IGF2R: variants seen among roughly 807,000 people sequenced by gnomAD.
The protein encoded by IGF2R is insulin like growth factor 2 receptor.
IGF2R carries 91 observed loss-of-function variants against 270.6 expected under a neutral mutation model. The observed-to-expected ratio is 0.34, with a 90% CI of 0.28 to 0.40. IGF2R has a LOEUF of 0.40. IGF2R is among the 10% of genes least tolerant of loss of function. The pLI is 1.00. For synonymous variants in IGF2R, 1,316 were observed against 1,258.9 expected (o/e 1.05, Z -0.96); for missense variants, 2,805 against 3,188.3 (o/e 0.88, Z 2.90).
At chr6:160,032,430 C>G in intron 7 of IGF2R, 121 bp from the exon 8 acceptor site, 1 of 850,018 alleles carries the variant, frequency 1.2e-6, no homozygotes. Context: ...ATTCAAAAAA[C>G]AGAAACAGCA....
intron 44 of IGF2R, among the ~76,000 whole-genome samples, chr6:160,092,049 C>T (rs187332219): frequency 1.6e-3 from 237 of 152,258 alleles, no homozygotes; most frequent in African/African-American, 5.0e-3. Context: ...AGTGCCCCTC[C>T]TGGGAAGGCC....
chr6:160,017,400 T>C (rs1446597425), intron 4 of IGF2R, among the ~76,000 whole-genome samples: 1 of 152,212 alleles, frequency 6.6e-6, no homozygotes, highest in African/African-American at 2.4e-5. Flanking sequence ...GCATAGATAT[T>C]ACTAAGGGAG....
At chr6:160,029,093 C>T (rs1447468980) in intron 6 of IGF2R, among the ~76,000 whole-genome samples, 3 of 152,088 alleles carry the variant, frequency 2.0e-5, no homozygotes, top group African/African-American at 4.8e-5. Context: ...AGTGATTCTC[C>T]TGCCTCAGCC....
intron 1 of IGF2R, among the ~76,000 whole-genome samples, chr6:159,988,665 A>T (rs1187052399): frequency 6.6e-6 from 1 of 152,124 alleles, no homozygotes. Flanking sequence ...TAATGATGCC[A>T]CTGCCGCTAC....
At chr6:160,043,382 C>G in intron 12 of IGF2R, 94 bp downstream of exon 12, 1 of 1,346,192 alleles carries the variant, frequency 7.4e-7, no homozygotes. Flanking sequence ...TCATCTAAGC[C>G]TCCTCTTTCT....
At chr6:160,073,592 C>T in intron 34 of IGF2R, 123 bp downstream of exon 34, 1 of 1,232,132 alleles carries the variant, frequency 8.1e-7, no homozygotes, top group East Asian at 2.5e-5. Context: ...CTGATCACCC[C>T]AATAATAAAG....
intron 1 of IGF2R, among the ~76,000 whole-genome samples, chr6:159,987,950 G>A (rs1355032280): frequency 2.0e-5 from 3 of 152,136 alleles, no homozygotes; most frequent in Admixed American, 2.0e-4. Flanking sequence ...AAAAAAGTCA[G>A]TGTTTCAAGT....
In IGF2R at chr6:160,079,772, G is replaced by A. The variant is rs769433685; in HGVS notation, c.5671G>A (p.Asp1891Asn). 1.4e-6 allele frequency: 2 copies of A among 1,453,800 alleles called. No individual in the cohort carries two copies. The highest frequency in any genetic ancestry group is 1.4e-5 in the African/African-American group (1 of 69,926). 90.1% of individuals were successfully genotyped at this position (1,453,800 alleles called of 1,614,324 possible). Residue 1891 changes from aspartate to asparagine, a missense_variant, in exon 38 of 48, where the codon GAT becomes AAT. This residue lies in a region of IGF2R where 1,851 missense variants were observed against 2,207.2 expected (regional missense o/e 0.84). Transcript: ENST00000356956. ...EAVVLSYVNGDRCPPETDDGV... is the reference protein window; with the variant it reads ...EAVVLSYVNGNRCPPETDDGV... Reference sequence around the variant, plus strand: ...GGTCGTTTTAAGTTACGTGAATGGTGATCGTTGCCCTCCAGGTAAATATTT... The same window carrying A: ...GGTCGTTTTAAGTTACGTGAATGGTAATCGTTGCCCTCCAGGTAAATATTT...
intron 41 of IGF2R, 26 bp from the exon 42 acceptor site, chr6:160,088,007 T>C: frequency 7.1e-7 from 1 of 1,413,644 alleles, no homozygotes; most frequent in Non-Finnish European, 1.0e-6. Flanking sequence ...AGAAATAATG[T>C]CAGTTCAATC....
At chr6:160,009,791 C>A (rs933137460) in intron 3 of IGF2R, among the ~76,000 whole-genome samples, 4 of 152,112 alleles carry the variant, frequency 2.6e-5, no homozygotes, top group Admixed American at 2.6e-4. Flanking sequence ...CCAGTAAGAA[C>A]CCAATCTTTA....
At chr6:160,032,280 A>G (rs957588497) in intron 7 of IGF2R, among the ~76,000 whole-genome samples, 2 of 152,232 alleles carry the variant, frequency 1.3e-5, no homozygotes, top group South Asian at 2.1e-4. Flanking sequence ...TGACTAGACT[A>G]GAAAGGGAAT....
At chr6:160,088,968 G>C (rs1161092515) in intron 42 of IGF2R, 139 bp from the exon 43 acceptor site, 1 of 808,494 alleles carries the variant, frequency 1.2e-6, no homozygotes, top group African/African-American at 1.8e-5. Context: ...TGGGGGCCTC[G>C]GGACCCAACT....
intron 9 of IGF2R, among the ~76,000 whole-genome samples, chr6:160,033,858 C>CCTT (rs1344736461): frequency 2.0e-5 from 3 of 152,250 alleles, no homozygotes; most frequent in African/African-American, 7.2e-5. Context: ...TGGTAGTTGA[C>CCTT]CTTCATAAAA....
chr6:160,078,447 T>G (rs569093825), intron 37 of IGF2R, 85 bp downstream of exon 37: 1 of 1,315,904 alleles, frequency 7.6e-7, no homozygotes, highest in Admixed American at 1.8e-5. Context: ...TTGGATAATG[T>G]GGTACCTGTG....
chr6:160,049,052 A>G (rs1703109734), intron 18 of IGF2R, among the ~76,000 whole-genome samples: 1 of 152,168 alleles, frequency 6.6e-6, no homozygotes, highest in Admixed American at 6.5e-5. Context: ...TGAATCTTAA[A>G]AGAGATGTCT....
At chr6:160,088,601 G>A (rs970219323) in intron 42 of IGF2R, among the ~76,000 whole-genome samples, 8 of 152,158 alleles carry the variant, frequency 5.3e-5, no homozygotes, top group Admixed American at 2.6e-4. Context: ...CCAACAGAGG[G>A]TGCATGTGAG....
intron 19 of IGF2R, among the ~76,000 whole-genome samples, chr6:160,052,856 G>T (rs1040815092): frequency 1.3e-5 from 2 of 152,180 alleles, no homozygotes; most frequent in African/African-American, 4.8e-5. Flanking sequence ...TTAATAAATG[G>T]TGCTGGGAAA....
At chr6:160,008,938 G>C in intron 2 of IGF2R, 72 bp from the exon 3 acceptor site, 1 of 1,465,338 alleles carries the variant, frequency 6.8e-7, no homozygotes, top group Non-Finnish European at 9.5e-7. Flanking sequence ...CTTTTAATTT[G>C]CTTTTCCTTG....
At chr6:160,037,686 A>C (rs900930332) in intron 10 of IGF2R, among the ~76,000 whole-genome samples, 2 of 152,154 alleles carry the variant, frequency 1.3e-5, no homozygotes, top group Non-Finnish European at 2.9e-5. Flanking sequence ...TTTTTGGAAG[A>C]GCAGAATTCA....
Sources: allele counts gnomAD v4.1 joint callset (sites outside exome capture counted in the v4.1 genomes callset), GRCh38; gene constraint gnomAD v4.1.1; regional missense constraint gnomAD v4.1.1; transcripts MANE v1.5; gene names NCBI Gene and HGNC (gene_info 2026-07-23, HGNC 2026-07-21).